CORIN: variants seen among roughly 807,000 people sequenced by gnomAD.
The protein encoded by CORIN is atrial natriuretic peptide-converting enzyme.
A neutral mutation model predicts 125.3 loss-of-function variants in CORIN; 117 were observed. That is an observed-to-expected ratio of 0.93 (90% confidence interval 0.80 to 1.09). The LOEUF (loss-of-function observed/expected upper bound fraction) is 1.09, where lower values mean the gene tolerates loss of function less well. CORIN is among the 50% of genes least tolerant of loss of function. The pLI is 0.00. For missense variants in CORIN, 1,253 were observed against 1,306.7 expected, an observed-to-expected ratio of 0.96 and a Z score of 0.63; for synonymous variants, 450 against 466.4, an observed-to-expected ratio of 0.96 and a Z score of 0.45.
At chr4:47,651,066 G>T (rs977648469) in intron 13 of CORIN, among the ~76,000 whole-genome samples, 1 of 152,212 alleles carries the variant, frequency 6.6e-6, no homozygotes, top group East Asian at 1.9e-4. Flanking sequence ...TATAAGTTAA[G>T]TGCTTTGGTT....
intron 1 of CORIN, among the ~76,000 whole-genome samples, chr4:47,822,393 T>C (rs1381571271): frequency 6.6e-6 from 1 of 152,210 alleles, no homozygotes; most frequent in Non-Finnish European, 1.5e-5. Context: ...GAAGATTACA[T>C]TGATATATTG....
At chr4:47,773,074 T>G (rs1163423849) in intron 3 of CORIN, among the ~76,000 whole-genome samples, 2 of 152,170 alleles carry the variant, frequency 1.3e-5, no homozygotes, top group African/African-American at 4.8e-5. Context: ...AAATACGTAT[T>G]GAGTCTCTAC....
chr4:47,832,057 TG>T (rs1207491643), intron 1 of CORIN, among the ~76,000 whole-genome samples: 1 of 152,224 alleles, frequency 6.6e-6, no homozygotes, highest in Admixed American at 6.5e-5. Flanking sequence ...AGTATTATAG[TG>T]CTTTCATTCT....
intron 5 of CORIN, among the ~76,000 whole-genome samples, chr4:47,730,342 G>T (rs937149825): frequency 2.0e-5 from 3 of 151,846 alleles, no homozygotes; most frequent in Non-Finnish European, 4.4e-5. Flanking sequence ...GCGTGGTGGC[G>T]GCTGCCTGTA....
intron 5 of CORIN, among the ~76,000 whole-genome samples, chr4:47,698,178 T>C (rs1211775870): frequency 6.6e-6 from 1 of 151,982 alleles, no homozygotes; most frequent in Non-Finnish European, 1.5e-5. Flanking sequence ...AAAATTCTTA[T>C]ATAACACACA....
At chr4:47,773,786 G>A (rs1730168311) in intron 3 of CORIN, among the ~76,000 whole-genome samples, 1 of 150,472 alleles carries the variant, frequency 6.6e-6, no homozygotes, top group South Asian at 2.1e-4. Flanking sequence ...TACCTTCTAG[G>A]TATATTTAGT....
intron 3 of CORIN, among the ~76,000 whole-genome samples, chr4:47,771,579 T>C (rs750893166): frequency 2.8e-4 from 42 of 152,126 alleles, no homozygotes; most frequent in Non-Finnish European, 4.4e-4. Flanking sequence ...TTTTCCTGAT[T>C]CTTTCCCTCC....
rs61760480 is a variant in CORIN, at chr4:47,653,633, C to T, written c.1763G>A (p.Arg588His). Residue 588 changes from arginine (R) to histidine (H), a missense_variant, in exon 13 of 22, where the codon CGC becomes CAC. Transcript: ENST00000273857. ...EECSPSHFKC[R>H]SGQCVLASRR... ...GGAAGCCAGAACACACTGTCCTGAG[C>T]GGCACTTGAAATGACTAGGTGAGCA... is the stretch of plus-strand genomic sequence containing the variant. 1.1e-5 allele frequency: 17 copies of T among 1,613,836 alleles called. No individual in the cohort carries two copies. Among genetic ancestry groups the T allele is most frequent in the South Asian group, 8.8e-5 (8 of 91,076 alleles).
intron 13 of CORIN, 111 bp downstream of exon 13, chr4:47,653,442 C>A: frequency 2.5e-6 from 2 of 800,098 alleles, no homozygotes; most frequent in Admixed American, 4.6e-5. Context: ...AAGACATTAG[C>A]ATTGAATCCT....
At chr4:47,779,625 A>C (rs984182679) in intron 3 of CORIN, among the ~76,000 whole-genome samples, 2 of 151,726 alleles carry the variant, frequency 1.3e-5, no homozygotes, top group Non-Finnish European at 2.9e-5. Context: ...TAGTAGAGAC[A>C]AGGTTTCACC....
chr4:47,670,259 T>C lies in CORIN; in HGVS notation c.1357+4134A>G, dbSNP rs147849997. ...TTGTGATGTTAGCAGCTGTAGATGC[T>C]CCATGTCTTCATTCATTAATTCAAC... On this transcript the variant is annotated intron_variant, in intron 10 of 21. Coordinates refer to ENST00000273857, the MANE Select transcript of CORIN (RefSeq NM_006587.4). Among the ~76,000 whole-genome samples, 9 of 152,338 alleles carry C rather than the reference T, an allele frequency of 5.9e-5. No homozygotes were observed. In the South Asian group the frequency reaches 1.7e-3, roughly 28 times the overall value.
intron 5 of CORIN, among the ~76,000 whole-genome samples, chr4:47,726,029 T>G (rs1283210244): frequency 6.6e-6 from 1 of 152,022 alleles, no homozygotes; most frequent in African/African-American, 2.4e-5. Context: ...ATTAGGCAAA[T>G]TTAACCACAG....
At chr4:47,687,452 T>C (rs1725568832) in intron 6 of CORIN, among the ~76,000 whole-genome samples, 1 of 152,232 alleles carries the variant, frequency 6.6e-6, no homozygotes. Flanking sequence ...GATGTTTTTC[T>C]AGACACACCT....
In CORIN at chr4:47,796,874, A is replaced by C. The variant is rs7659253; in HGVS notation, c.209-9949T>G. Among the ~76,000 whole-genome samples, 638 of 151,954 alleles carry C rather than the reference A, an allele frequency of 4.2e-3. 6 individuals are homozygous for C. The highest frequency in any genetic ancestry group is 0.014 in the African/African-American group (586 of 41,522). ...TAAAGTACTACTTACTCCCTAGGGA[A>C]TCTTCCCTCATCTCAGCCCAGTTTC... is the stretch of plus-strand genomic sequence containing the variant. On this transcript the variant is annotated intron_variant, in intron 2 of 21. Transcript: ENST00000273857.
chr4:47,813,908 T>C (rs1373359556), intron 1 of CORIN, among the ~76,000 whole-genome samples: 3 of 152,218 alleles, frequency 2.0e-5, no homozygotes, highest in Non-Finnish European at 4.4e-5. Context: ...AGCCAAAATG[T>C]CAAACTGTTC....
chr4:47,653,270 A>G (rs1577786253), intron 13 of CORIN, among the ~76,000 whole-genome samples: 4 of 152,282 alleles, frequency 2.6e-5, no homozygotes, highest in Admixed American at 6.5e-5. Flanking sequence ...CATACAATCT[A>G]TGGTTTCAGG....
chr4:47,778,939 C>G (rs1457765857), intron 3 of CORIN, among the ~76,000 whole-genome samples: 1 of 152,084 alleles, frequency 6.6e-6, no homozygotes, highest in East Asian at 1.9e-4. Flanking sequence ...CAGCAGGTGC[C>G]CATAATCAGA....
At chr4:47,735,115 C>A (rs1279676477) in intron 5 of CORIN, among the ~76,000 whole-genome samples, 1 of 152,138 alleles carries the variant, frequency 6.6e-6, no homozygotes, top group Non-Finnish European at 1.5e-5. Flanking sequence ...ATGATTAAGA[C>A]TGTATTATAT....
At chr4:47,683,875 C>G in intron 6 of CORIN, 37 bp from the exon 7 acceptor site, 1 of 1,462,910 alleles carries the variant, frequency 6.8e-7, no homozygotes, top group Admixed American at 1.8e-5. Flanking sequence ...GTCATCAGAG[C>G]CATACAGAAT....
Sources: gnomAD v4.1 joint callset for allele counts (sites outside exome capture counted in the v4.1 genomes callset) on GRCh38, gnomAD v4.1.1 for gene constraint, MANE v1.5 for transcripts, NCBI Gene and HGNC (gene_info 2026-07-23, HGNC 2026-07-21) for gene names.